Variants in BTBD1 observed in about 807,000 individuals in gnomAD.
The protein encoded by BTBD1 is BTB/POZ domain-containing protein 1.
BTBD1 carries 34 observed loss-of-function variants against 48.0 expected under a neutral mutation model. The ratio of observed to expected loss-of-function variants is 0.71; its 90% confidence interval spans 0.54 to 0.94. The LOEUF (loss-of-function observed/expected upper bound fraction) is 0.94. BTBD1 is among the 40% of genes least tolerant of loss of function. The pLI is 0.00. For missense variants in BTBD1, 543 were observed against 625.6 expected (o/e 0.87, Z 1.41); for synonymous variants, 261 against 242.1 (o/e 1.08, Z -0.72).
chr15:83,040,775 A>G (rs994648282), intron 4 of BTBD1, among the ~76,000 whole-genome samples: 1 of 152,006 alleles, frequency 6.6e-6, no homozygotes, highest in African/African-American at 2.4e-5. Flanking sequence ...AAAGGCAGAT[A>G]ATAGTCAATT....
chr15:83,027,579 A>T (rs2151301526), intron 5 of BTBD1, among the ~76,000 whole-genome samples: 1 of 152,288 alleles, frequency 6.6e-6, no homozygotes, highest in South Asian at 2.1e-4. Context: ...GAACCAGGAA[A>T]GTAGAGCCTT....
intron 1 of BTBD1, among the ~76,000 whole-genome samples, chr15:83,058,156 T>C (rs2033118629): frequency 6.6e-6 from 1 of 152,210 alleles, no homozygotes; most frequent in African/African-American, 2.4e-5. Context: ...CCTCCTTACT[T>C]CCAACTGCTA....
intron 1 of BTBD1, among the ~76,000 whole-genome samples, chr15:83,059,660 G>A (rs2033146210): frequency 6.6e-6 from 1 of 152,190 alleles, no homozygotes; most frequent in Non-Finnish European, 1.5e-5. Context: ...ATAGCTCACT[G>A]TATCCTGAAA....
chr15:83,052,120 C>T (rs12439196), intron 2 of BTBD1, among the ~76,000 whole-genome samples: 1 of 152,140 alleles, frequency 6.6e-6, no homozygotes, highest in Non-Finnish European at 1.5e-5. Flanking sequence ...CCACACCCAC[C>T]TAATCTTTGA....
chr15:83,035,066 G>T (rs569599344), intron 4 of BTBD1, among the ~76,000 whole-genome samples: 1 of 152,226 alleles, frequency 6.6e-6, no homozygotes, highest in African/African-American at 2.4e-5. Flanking sequence ...GGCCATGATG[G>T]GTGGATCACC....
Position 83,022,667 on chromosome 15 carries a change from GA to G in BTBD1, c.1056-1906del, listed in dbSNP as rs796084572. 102 of 117,888 alleles carry G rather than the reference GA, an allele frequency of 8.7e-4. 1 individual carries two copies. The highest frequency in any genetic ancestry group is 6.1e-4 in the Non-Finnish European group (35 of 56,936). The allele number at this position is 117,888 out of a possible 1,614,324, so 7.3% of individuals were successfully genotyped here. On this transcript the variant is annotated intron_variant, in intron 5 of 7. Coordinates refer to ENST00000261721, the MANE Select transcript of BTBD1 (RefSeq NM_025238.4). ...ACAGAGCGGGACTCCATCTCAAAAA[GA>G]AAAAAAAAAAATAGACCAGGCACAG...
At chr15:83,043,923 C>G (rs1164853334) in intron 3 of BTBD1, among the ~76,000 whole-genome samples, 1 of 152,052 alleles carries the variant, frequency 6.6e-6, no homozygotes, top group Non-Finnish European at 1.5e-5. Context: ...TTATGATAGG[C>G]AAAATTAAAA....
chr15:83,034,090 C>CAAAAAAA (rs748026027), intron 4 of BTBD1, among the ~76,000 whole-genome samples: 29 of 66,862 alleles, frequency 4.3e-4, no homozygotes, highest in Non-Finnish European at 5.2e-4. Context: ...CTGTCTACAC[C>CAAAAAAA]AAAAAAAAAA....
At chr15:83,058,596 G>A (rs1034784967) in intron 1 of BTBD1, among the ~76,000 whole-genome samples, 5 of 151,594 alleles carry the variant, frequency 3.3e-5, no homozygotes, top group African/African-American at 1.2e-4. Context: ...CCAACAAAGT[G>A]AGACTTAAAA....
In BTBD1 at chr15:83,066,894, G is replaced by GC; in HGVS notation, c.257dup (p.Gln88AlafsTer18). On this transcript the variant is annotated frameshift_variant, in exon 1 of 8. Coordinates refer to ENST00000261721, the MANE Select transcript of BTBD1 (RefSeq NM_025238.4). LOFTEE classifies it high-confidence loss of function. ...AGCGGTGGGCGGGGATGCGCTGCGG[G>GC]CCCCCAGCGGCGGCGGCGCCGCGAC... is the stretch of plus-strand genomic sequence containing the variant. 1 of 1,508,812 alleles carries GC rather than the reference G, an allele frequency of 6.6e-7. No individual in the cohort carries two copies. The highest frequency in any genetic ancestry group is 8.8e-7 in the Non-Finnish European group (1 of 1,133,146). 93.5% of individuals were successfully genotyped at this position (1,508,812 alleles called of 1,614,324 possible).
intron 4 of BTBD1, among the ~76,000 whole-genome samples, chr15:83,039,371 C>A (rs1012096987): frequency 4.0e-5 from 6 of 151,776 alleles, no homozygotes; most frequent in Admixed American, 3.3e-4. Flanking sequence ...ATAAAAAAAA[C>A]AGTTGCTGGC....
intron 1 of BTBD1, among the ~76,000 whole-genome samples, chr15:83,065,601 A>G (rs2151316728): frequency 6.6e-6 from 1 of 152,312 alleles, no homozygotes; most frequent in South Asian, 2.1e-4. Flanking sequence ...TTTAATAACA[A>G]CACGTTCTAC....
chr15:83,023,225 G>T (rs1221996473), intron 5 of BTBD1, among the ~76,000 whole-genome samples: 7 of 151,988 alleles, frequency 4.6e-5, no homozygotes, highest in African/African-American at 1.7e-4. Context: ...CTAATGCCTT[G>T]TTGGATAATC....
intron 3 of BTBD1, among the ~76,000 whole-genome samples, chr15:83,049,791 T>C (rs1338475070): frequency 1.3e-5 from 2 of 152,346 alleles, no homozygotes; most frequent in East Asian, 3.9e-4. Context: ...AGACAACTCA[T>C]CTCTTACTAT....
At chr15:83,023,761 C>T (rs545918652) in intron 5 of BTBD1, among the ~76,000 whole-genome samples, 199 of 152,270 alleles carry the variant, frequency 1.3e-3, no homozygotes, top group Non-Finnish European at 2.3e-3. Context: ...TTTTATACCC[C>T]ATAAGGTATA....
chr15:83,038,338 T>A (rs1251582383), intron 4 of BTBD1, among the ~76,000 whole-genome samples: 1 of 152,106 alleles, frequency 6.6e-6, no homozygotes, highest in Non-Finnish European at 1.5e-5. Flanking sequence ...TTAGATATAT[T>A]TTTACCAAGT....
chr15:83,022,391 G>A (rs1194006473), intron 5 of BTBD1: 1 of 152,018 alleles, frequency 6.6e-6, no homozygotes, highest in Non-Finnish European at 1.5e-5. Context: ...TAAAAAAGTA[G>A]GGCAGGCACA....
chr15:83,037,047 A>G (rs1167564801), intron 4 of BTBD1, among the ~76,000 whole-genome samples: 1 of 152,188 alleles, frequency 6.6e-6, no homozygotes, highest in African/African-American at 2.4e-5. Flanking sequence ...TTTATTTAAA[A>G]AAAACCCAAA....
At chr15:83,061,415 T>A (rs1027154688) in intron 1 of BTBD1, 4 of 152,238 alleles carry the variant, frequency 2.6e-5, no homozygotes, top group African/African-American at 9.6e-5. Context: ...TATTAGGCAC[T>A]CATATCTAAT....
Sources: allele counts gnomAD v4.1 joint callset (sites outside exome capture counted in the v4.1 genomes callset), GRCh38; gene constraint gnomAD v4.1.1; transcripts MANE v1.5; gene names NCBI Gene and HGNC (gene_info 2026-07-23, HGNC 2026-07-21).